PRELID2: variants seen among roughly 807,000 people sequenced by gnomAD.
PRELID2 encodes PRELI domain containing 2, also known as PRELI domain-containing protein 2.
A neutral mutation model predicts 28.4 loss-of-function variants in PRELID2; 25 were observed. The observed-to-expected ratio is 0.88, with a 90% CI of 0.64 to 1.23. The LOEUF (loss-of-function observed/expected upper bound fraction) is 1.23. PRELID2 is among the 50% of genes most tolerant of loss of function. The pLI is 0.00. For synonymous variants in PRELID2, 76 were observed against 71.6 expected (o/e 1.06, Z -0.31); for missense variants, 201 against 214.4 (o/e 0.94, Z 0.39).
the PRELID2 span, among the ~76,000 whole-genome samples, chr5:145,330,536 T>C: frequency 7.9e-5 from 12 of 152,326 alleles, no homozygotes; most frequent in Admixed American, 7.8e-4. Context: ...ATCCATTTCT[T>C]CAAGATTTTC....
chr5:145,717,507 AAG>A (rs1395504484), intron 1 of PRELID2, among the ~76,000 whole-genome samples: 2 of 152,094 alleles, frequency 1.3e-5, no homozygotes, highest in Non-Finnish European at 2.9e-5. Flanking sequence ...TGAGTAAAGA[AAG>A]AGGATAAAAC....
chr5:145,772,306 AC>A (rs764078765), intron 5 of PRELID2, among the ~76,000 whole-genome samples: 3 of 152,118 alleles, frequency 2.0e-5, no homozygotes, highest in Non-Finnish European at 2.9e-5. Flanking sequence ...AGAATCCAGG[AC>A]CCTGAATCTT....
chr5:145,735,036 G>A (rs1376904193), intron 1 of PRELID2, among the ~76,000 whole-genome samples: 3 of 152,074 alleles, frequency 2.0e-5, no homozygotes, highest in Non-Finnish European at 2.9e-5. Context: ...CATGAAGTCA[G>A]GAATTCGAGA....
At chr5:145,420,828 C>T in the PRELID2 span, among the ~76,000 whole-genome samples, 37 of 87,112 alleles carry the variant, frequency 4.2e-4, no homozygotes, top group African/African-American at 1.2e-3. Context: ...AAAGGGAATG[C>T]TTCCAGTTTT....
At position 145,596,099 on chromosome 5, in the gene PRELID2, C is replaced by CAAAAAAAAAAAAAAAAA. The variant is rs552746530; in HGVS notation, n.71-122801_71-122785dup. 5.0e-4 allele frequency among the ~76,000 whole-genome samples: 22 copies of CAAAAAAAAAAAAAAAAA among 43,960 alleles called. 2 individuals carry two copies. Among genetic ancestry groups the CAAAAAAAAAAAAAAAAA allele is most frequent in the African/African-American group, 1.5e-3 (16 of 10,394 alleles). The allele number at this position is 43,960 out of a possible 152,430, so 28.8% of individuals were successfully genotyped here. On this transcript the variant is annotated intron_variant and non_coding_transcript_variant, in intron 1 of 2. Coordinates refer to the PRELID2 transcript ENST00000510259. ...TGGGTGACAGAGTGAGAGCCTGTCT[C>CAAAAAAAAAAAAAAAAA]AAAAAAAAAAAAAAAAAAAAGTCTG...
the PRELID2 span, among the ~76,000 whole-genome samples, chr5:145,385,918 C>G: frequency 2.0e-5 from 3 of 151,958 alleles, no homozygotes; most frequent in African/African-American, 7.3e-5. Flanking sequence ...GCTCTATGTC[C>G]CCACCCAGAT....
the PRELID2 span, among the ~76,000 whole-genome samples, chr5:145,280,384 CACTCT>C: frequency 6.6e-6 from 1 of 152,068 alleles, no homozygotes; most frequent in African/African-American, 2.4e-5. Flanking sequence ...AAAAGAAATA[CACTCT>C]ACTCAATCGT....
the PRELID2 span, among the ~76,000 whole-genome samples, chr5:145,275,489 G>C: frequency 1.3e-5 from 2 of 152,052 alleles, no homozygotes; most frequent in Non-Finnish European, 2.9e-5. Context: ...CCAAGGATGA[G>C]AAAATAGCAT....
chr5:145,321,429 T>C, the PRELID2 span, among the ~76,000 whole-genome samples: 1 of 152,226 alleles, frequency 6.6e-6, no homozygotes, highest in Non-Finnish European at 1.5e-5. Flanking sequence ...TCTGAAAGAC[T>C]CTGCACATGT....
chr5:145,709,539 G>A (rs964166896), intron 1 of PRELID2, among the ~76,000 whole-genome samples: 2 of 151,234 alleles, frequency 1.3e-5, no homozygotes, highest in African/African-American at 4.9e-5. Context: ...TGAACATTCT[G>A]ATGGGAATAA....
At chr5:145,507,484 A>C (rs116663668) in intron 1 of PRELID2, among the ~76,000 whole-genome samples, 3,857 of 152,200 alleles carry the variant, frequency 0.025, 158 homozygotes, top group African/African-American at 0.089. Context: ...AGAGTCTCTT[A>C]ATGGATGATT....
At chr5:145,251,153 C>T in the PRELID2 span, among the ~76,000 whole-genome samples, 1 of 151,978 alleles carries the variant, frequency 6.6e-6, no homozygotes. Context: ...TTCTTGATGA[C>T]CCCAGTAGTT....
intron 1 of PRELID2, among the ~76,000 whole-genome samples, chr5:145,496,491 C>A (rs1752311015): frequency 6.6e-6 from 1 of 152,116 alleles, no homozygotes; most frequent in Admixed American, 6.6e-5. Context: ...GATAAACCAG[C>A]AAAAGGAACC....
the PRELID2 span, among the ~76,000 whole-genome samples, chr5:145,423,455 G>T: frequency 6.6e-6 from 1 of 151,830 alleles, no homozygotes; most frequent in Non-Finnish European, 1.5e-5. Context: ...TTTTTTCTCT[G>T]GACTTCCCTT....
chr5:145,288,568 G>A, the PRELID2 span, among the ~76,000 whole-genome samples: 1 of 152,056 alleles, frequency 6.6e-6, no homozygotes, highest in Admixed American at 6.6e-5. Flanking sequence ...TTAGAAAATG[G>A]TATTAAAAAC....
At chr5:145,493,730 T>C (rs1752287247) in intron 1 of PRELID2, among the ~76,000 whole-genome samples, 1 of 152,180 alleles carries the variant, frequency 6.6e-6, no homozygotes, top group South Asian at 2.1e-4. Flanking sequence ...CTTTTCCTTT[T>C]CCTTCCCCAC....
At chr5:145,503,623 G>A (rs1271178719) in intron 1 of PRELID2, among the ~76,000 whole-genome samples, 2 of 152,074 alleles carry the variant, frequency 1.3e-5, no homozygotes, top group Non-Finnish European at 2.9e-5. Flanking sequence ...AAGCACAATG[G>A]GCTACTGTGT....
At chr5:145,328,367 T>C in the PRELID2 span, among the ~76,000 whole-genome samples, 1 of 152,188 alleles carries the variant, frequency 6.6e-6, no homozygotes, top group East Asian at 1.9e-4. Context: ...CACACAGTCT[T>C]CTAAAACGGT....
chr5:145,656,839 C>T (rs1036489166), intron 1 of PRELID2, among the ~76,000 whole-genome samples: 4 of 151,920 alleles, frequency 2.6e-5, no homozygotes, highest in East Asian at 1.9e-4. Context: ...CAACATGGTA[C>T]ATGTATACAT....
Sources: gnomAD v4.1 joint callset for allele counts (sites outside exome capture counted in the v4.1 genomes callset) on GRCh38, gnomAD v4.1.1 for gene constraint, MANE v1.5 for transcripts, NCBI Gene and HGNC (gene_info 2026-07-23, HGNC 2026-07-21) for gene names.